CAMK4: variants seen among roughly 807,000 people sequenced by gnomAD.
CAMK4 encodes the protein calcium/calmodulin dependent protein kinase IV.
A neutral mutation model predicts 44.9 loss-of-function variants in CAMK4; 22 were observed. The observed-to-expected ratio is 0.49, with a 90% CI of 0.35 to 0.70. The LOEUF (loss-of-function observed/expected upper bound fraction) is 0.70. Ranked by LOEUF, CAMK4 falls within the 30% of genes least tolerant of loss-of-function variation. The probability of loss-of-function intolerance (pLI) is 0.01; values close to 1 mark genes in which losing one functional copy is unlikely to be tolerated. For missense variants in CAMK4, 498 were observed against 586.8 expected, an observed-to-expected ratio of 0.85 and a Z score of 1.56; for synonymous variants, 218 against 215.4, an observed-to-expected ratio of 1.01 and a Z score of -0.11.
At chr5:111,223,637 G>C (rs1448484903), upstream of CAMK4, 1 of 152,344 alleles carries the variant, frequency 6.6e-6, no homozygotes, top group African/African-American at 2.4e-5. The surrounding 1 kb of genome is among the most constrained non-coding windows in gnomAD (Gnocchi z 4.3). Context: ...AGGAGCTCCA[G>C]CAGTGCCGAG....
At chr5:111,376,675 T>C (rs1406501929) in intron 3 of CAMK4, among the ~76,000 whole-genome samples, 185 bp from the exon 4 acceptor site, 1 of 152,074 alleles carries the variant, frequency 6.6e-6, no homozygotes, top group Non-Finnish European at 1.5e-5. Flanking sequence ...ATGAGGTAAC[T>C]GATAAAATCA....
At chr5:111,466,851 A>G (rs537133327) in intron 7 of CAMK4, among the ~76,000 whole-genome samples, 1 of 152,150 alleles carries the variant, frequency 6.6e-6, no homozygotes, top group South Asian at 2.1e-4. Context: ...CTATTCTAAA[A>G]TTCATATGGA....
chr5:111,468,822 A>T (rs1220469296), intron 7 of CAMK4, among the ~76,000 whole-genome samples: 1 of 152,126 alleles, frequency 6.6e-6, no homozygotes, highest in Non-Finnish European at 1.5e-5. Context: ...TATTAAAAAT[A>T]CAAAAATTAG....
At chr5:111,357,182 C>T (rs1305554446) in intron 2 of CAMK4, among the ~76,000 whole-genome samples, 1 of 152,006 alleles carries the variant, frequency 6.6e-6, no homozygotes, top group Non-Finnish European at 1.5e-5. Context: ...ACAGAGGAAA[C>T]CTCAGAAGGA....
intron 5 of CAMK4, among the ~76,000 whole-genome samples, chr5:111,422,919 C>A (rs1753083669): frequency 6.6e-6 from 1 of 152,136 alleles, no homozygotes; most frequent in South Asian, 2.1e-4. Flanking sequence ...GGGTCATCTC[C>A]AGACTAGGAA....
chr5:111,235,766 G>T (rs1237813805), intron 1 of CAMK4, among the ~76,000 whole-genome samples: 1 of 152,232 alleles, frequency 6.6e-6, no homozygotes, highest in Non-Finnish European at 1.5e-5. Flanking sequence ...TTGGCCTAAG[G>T]ATCTGGCTTG....
At chr5:111,398,113 C>T (rs566336044) in intron 5 of CAMK4, among the ~76,000 whole-genome samples, 6 of 152,336 alleles carry the variant, frequency 3.9e-5, no homozygotes, top group African/African-American at 1.2e-4. Context: ...TCCCTCTGCT[C>T]TCTTCCAACC....
At chr5:111,257,712 C>T (rs1749800927) in intron 1 of CAMK4, among the ~76,000 whole-genome samples, 1 of 152,178 alleles carries the variant, frequency 6.6e-6, no homozygotes, top group African/African-American at 2.4e-5. Flanking sequence ...TTCATTGCAG[C>T]ACTATTCACA....
intron 5 of CAMK4, among the ~76,000 whole-genome samples, chr5:111,415,715 A>G (rs1752791179): frequency 6.6e-6 from 1 of 152,108 alleles, no homozygotes; most frequent in South Asian, 2.1e-4. Context: ...TGAGCAAGAA[A>G]CTCTAGTTTT....
chr5:111,414,278 G>A (rs914199954), intron 5 of CAMK4, among the ~76,000 whole-genome samples: 1 of 152,162 alleles, frequency 6.6e-6, no homozygotes, highest in Non-Finnish European at 1.5e-5. Context: ...TGTACCAGTA[G>A]ATTCTGGCTG....
chr5:111,388,165 A>G lies in CAMK4; in HGVS notation c.387-6545A>G, dbSNP rs570028718. The stretch of plus-strand genomic sequence containing the variant: ...GAAGGGTGATGGTTGGCCAAGATGC[A>G]GTGTGCGGAGTTCACACTGAAATGA... On this transcript the variant is annotated intron_variant, in intron 4 of 10. Coordinates refer to ENST00000282356, the MANE Select transcript of CAMK4 (RefSeq NM_001744.6). 2.0e-5 allele frequency among the ~76,000 whole-genome samples: 3 copies of G among 152,316 alleles called. No homozygotes were observed. The East Asian group carries it at 5.8e-4, about 29-fold the overall frequency.
intron 2 of CAMK4, among the ~76,000 whole-genome samples, chr5:111,355,704 C>T (rs1464150760): frequency 1.3e-5 from 2 of 149,754 alleles, no homozygotes; most frequent in Non-Finnish European, 3.0e-5. Flanking sequence ...TTCCTGTGTC[C>T]ATGTGCTCTC....
chr5:111,471,164 T>C (rs1359756208), intron 7 of CAMK4, among the ~76,000 whole-genome samples: 1 of 152,232 alleles, frequency 6.6e-6, no homozygotes, highest in African/African-American at 2.4e-5. Context: ...GAAAGCTCTA[T>C]TTTTGTCTGC....
At chr5:111,341,000 A>G (rs1331783130) in intron 1 of CAMK4, among the ~76,000 whole-genome samples, 1 of 150,884 alleles carries the variant, frequency 6.6e-6, no homozygotes, top group Non-Finnish European at 1.5e-5. Context: ...CTGTTGATGT[A>G]TATTTGTTCA....
chr5:111,313,962 G>A (rs960825957), intron 1 of CAMK4, among the ~76,000 whole-genome samples: 3 of 152,020 alleles, frequency 2.0e-5, no homozygotes, highest in Admixed American at 6.6e-5. Flanking sequence ...TGGGTATATC[G>A]AATTATAGGA....
chr5:111,390,368 G>A (rs1156987428), intron 4 of CAMK4, among the ~76,000 whole-genome samples: 2 of 151,960 alleles, frequency 1.3e-5, no homozygotes, highest in East Asian at 3.9e-4. Flanking sequence ...TATCTGTTTT[G>A]TTCTGCTGCT....
chr5:111,250,096 G>C (rs1314545808), intron 1 of CAMK4, among the ~76,000 whole-genome samples: 1 of 152,152 alleles, frequency 6.6e-6, no homozygotes, highest in Non-Finnish European at 1.5e-5. Context: ...CTTATACTCT[G>C]TCTTATGGTC....
At chr5:111,450,408 C>G (rs1476318061) in intron 7 of CAMK4, among the ~76,000 whole-genome samples, 4 of 151,760 alleles carry the variant, frequency 2.6e-5, no homozygotes, top group South Asian at 4.2e-4. Flanking sequence ...TGTTAATCAC[C>G]TACTGTGTAG....
At chr5:111,463,851 T>C (rs1157341322) in intron 7 of CAMK4, among the ~76,000 whole-genome samples, 1 of 152,162 alleles carries the variant, frequency 6.6e-6, no homozygotes, top group Admixed American at 6.6e-5. Context: ...AGCAGCCTTT[T>C]AGCCCCACAT....
Sources: allele counts gnomAD v4.1 joint callset (sites outside exome capture counted in the v4.1 genomes callset), GRCh38; gene constraint gnomAD v4.1.1; non-coding constraint Gnocchi (gnomAD v3.1); transcripts MANE v1.5; gene names NCBI Gene and HGNC (gene_info 2026-07-23, HGNC 2026-07-21).